The following NFIB variants were observed in gnomAD, a reference collection of about 807,000 sequenced individuals.
NFIB encodes nuclear factor I B.
In NFIB, 11 loss-of-function variants were observed where a neutral mutation model predicts 61.5. That is an observed-to-expected ratio of 0.18 (90% CI 0.11 to 0.30). NFIB has a LOEUF of 0.30. Among genes scored for constraint, NFIB ranks in the 10% least tolerant of loss-of-function variants. NFIB has a pLI of 1.00. For synonymous variants in NFIB, 260 were observed against 216.5 expected (o/e 1.20, Z -1.76); for missense variants, 471 against 608.9 (o/e 0.77, Z 2.38).
chr9:14,237,665 A>G (rs2053880248), intron 2 of NFIB, among the ~76,000 whole-genome samples: 2 of 152,078 alleles, frequency 1.3e-5, no homozygotes, highest in African/African-American at 2.4e-5. Flanking sequence ...ATAGCCCAAT[A>G]TAAGAGGTCA....
At chr9:14,269,638 A>G (rs1389800245) in intron 2 of NFIB, among the ~76,000 whole-genome samples, 1 of 152,218 alleles carries the variant, frequency 6.6e-6, no homozygotes, top group African/African-American at 2.4e-5. Flanking sequence ...GTGAAAAAGA[A>G]AAGCATTCAT....
At chr9:14,252,881 A>G (rs1359310546) in intron 2 of NFIB, among the ~76,000 whole-genome samples, 2 of 150,080 alleles carry the variant, frequency 1.3e-5, no homozygotes, top group South Asian at 2.2e-4. Context: ...AACTTCTACA[A>G]GAAGTCCATC....
At chr9:14,253,179 A>T (rs1368587337) in intron 2 of NFIB, among the ~76,000 whole-genome samples, 2 of 152,218 alleles carry the variant, frequency 1.3e-5, no homozygotes, top group East Asian at 3.8e-4. Flanking sequence ...GTTACAGCTC[A>T]TCTTTGACTA....
At chr9:14,124,205 T>A (rs1208583154) in intron 7 of NFIB, among the ~76,000 whole-genome samples, 2 of 152,212 alleles carry the variant, frequency 1.3e-5, no homozygotes, top group Non-Finnish European at 2.9e-5. Context: ...ATATACTGTC[T>A]ACTTTTTTTC....
intron 2 of NFIB, among the ~76,000 whole-genome samples, chr9:14,277,626 C>T (rs1448491957): frequency 6.6e-6 from 1 of 152,194 alleles, no homozygotes; most frequent in Non-Finnish European, 1.5e-5. Flanking sequence ...CCTTTGTCAT[C>T]CATTCCTGTT....
intron 3 of NFIB, among the ~76,000 whole-genome samples, chr9:14,165,479 A>C (rs2044682880): frequency 6.6e-6 from 1 of 152,224 alleles, no homozygotes; most frequent in Non-Finnish European, 1.5e-5. Context: ...GAATGAGTGC[A>C]GCTCACTATG....
intron 3 of NFIB, among the ~76,000 whole-genome samples, chr9:14,156,671 T>C (rs1412898566): frequency 1.3e-5 from 2 of 151,990 alleles, no homozygotes; most frequent in African/African-American, 2.4e-5. Context: ...TGTCCAAAAC[T>C]AGAGATGAGA....
At chr9:14,309,573 T>C (rs12554312) in intron 1 of NFIB, among the ~76,000 whole-genome samples, 4,399 of 152,306 alleles carry the variant, frequency 0.029, 233 homozygotes, top group East Asian at 0.2. Context: ...AACTAGGCCA[T>C]GGAAAGAGTT....
At chr9:14,500,417 A>G in the NFIB span, among the ~76,000 whole-genome samples, 1 of 152,168 alleles carries the variant, frequency 6.6e-6, no homozygotes, top group African/African-American at 2.4e-5. Context: ...TGGCTGGGTC[A>G]ACTAACGTTA....
intron 1 of NFIB, among the ~76,000 whole-genome samples, chr9:14,394,600 A>C (rs2061661140): frequency 6.6e-6 from 1 of 152,088 alleles, no homozygotes; most frequent in Non-Finnish European, 1.5e-5. Context: ...AATTATCTCC[A>C]CCTGGCCCTG....
intron 2 of NFIB, among the ~76,000 whole-genome samples, chr9:14,271,316 G>C (rs770388591): frequency 6.6e-6 from 1 of 150,696 alleles, no homozygotes; most frequent in African/African-American, 2.4e-5. Flanking sequence ...TCAAGCCCAC[G>C]GATAGTTATC....
At position 14,125,619 on chromosome 9, in the gene NFIB, T is replaced by C. The variant is rs1219592190; in HGVS notation, c.1060+13A>G. 1.2e-6 allele frequency: 2 copies of C among 1,613,844 alleles called. No individual in the cohort carries two copies. The highest frequency in any genetic ancestry group is 1.7e-6 in the Non-Finnish European group (2 of 1,179,910). On this transcript the variant is annotated intron_variant, in intron 7 of 10. Transcript: ENST00000380953. ...AAGAAGGAGGCTTCTCCTCTATGCT[T>C]GAAACTCCTCACCACTGTGTGCAAC...
At chr9:14,411,837 T>C in the NFIB span, among the ~76,000 whole-genome samples, 1 of 152,160 alleles carries the variant, frequency 6.6e-6, no homozygotes, top group East Asian at 1.9e-4. Context: ...CTTCTGAGAC[T>C]AGGTATAAAA....
intron 8 of NFIB, among the ~76,000 whole-genome samples, chr9:14,119,265 T>A (rs1005223843): frequency 6.6e-6 from 1 of 152,212 alleles, no homozygotes; most frequent in African/African-American, 2.4e-5. Context: ...CTGTCTTTAG[T>A]ACTTCAGTCA....
intron 2 of NFIB, among the ~76,000 whole-genome samples, chr9:14,274,727 G>T (rs2057878412): frequency 6.6e-6 from 1 of 152,150 alleles, no homozygotes; most frequent in Admixed American, 6.5e-5. Context: ...GAACTAAGTC[G>T]AACTGGGCTA....
chr9:14,283,580 C>CAAAATAATT (rs2058520188), intron 2 of NFIB, among the ~76,000 whole-genome samples: 1 of 152,208 alleles, frequency 6.6e-6, no homozygotes, highest in Non-Finnish European at 1.5e-5. Flanking sequence ...AAGAGCAGTC[C>CAAAATAATT]TGATCATGCT....
At chr9:14,489,095 G>A in the NFIB span, among the ~76,000 whole-genome samples, 22 of 152,090 alleles carry the variant, frequency 1.4e-4, no homozygotes, top group Admixed American at 2.6e-4. Flanking sequence ...TTCCTCCAGC[G>A]GAAAGAATAC....
At chr9:14,322,090 A>G in intron 1 of NFIB, 1 of 1,215,248 alleles carries the variant, frequency 8.2e-7, no homozygotes, top group Non-Finnish European at 1.0e-6. Context: ...AAAAAAAAAA[A>G]AAAAAAAAAA....
At chr9:14,206,414 C>T (rs2049723389) in intron 2 of NFIB, among the ~76,000 whole-genome samples, 1 of 152,018 alleles carries the variant, frequency 6.6e-6, no homozygotes, top group Non-Finnish European at 1.5e-5. Flanking sequence ...AGCAATCTTC[C>T]TGCCTCGGCC....
Sources: gnomAD v4.1 joint callset for allele counts (sites outside exome capture counted in the v4.1 genomes callset) on GRCh38, gnomAD v4.1.1 for gene constraint, MANE v1.5 for transcripts, NCBI Gene and HGNC (gene_info 2026-07-23, HGNC 2026-07-21) for gene names.